Variants in UBE2F observed in about 807,000 individuals in gnomAD.
UBE2F encodes the protein ubiquitin conjugating enzyme E2 F (putative), also known as NEDD8-conjugating enzyme UBE2F.
UBE2F carries 5 observed loss-of-function variants against 29.6 expected under a neutral mutation model. The ratio of observed to expected loss-of-function variants is 0.17; its 90% confidence interval spans 0.09 to 0.36. The LOEUF (loss-of-function observed/expected upper bound fraction) is 0.36, where lower values mean the gene tolerates loss of function less well. Among genes scored for constraint, UBE2F ranks in the 10% least tolerant of loss-of-function variants. The pLI, the probability that UBE2F is intolerant of heterozygous loss-of-function variation, is 1.00. For missense variants in UBE2F, 141 were observed against 228.5 expected (o/e 0.62, Z 2.47); for synonymous variants, 66 against 81.8 (o/e 0.81, Z 1.04).
intron 4 of UBE2F, among the ~76,000 whole-genome samples, chr2:237,995,988 CAG>C (rs1468285385): frequency 6.6e-6 from 1 of 152,114 alleles, no homozygotes; most frequent in Admixed American, 6.6e-5. Flanking sequence ...CATTAGAAAG[CAG>C]AGTGTTCCAC....
chr2:238,019,902 C>T (rs978837484), intron 5 of UBE2F, among the ~76,000 whole-genome samples: 13 of 152,046 alleles, frequency 8.6e-5, no homozygotes, highest in Admixed American at 7.2e-4. Context: ...TCAGGTGATC[C>T]GCTGCCTTGG....
At chr2:237,971,018 T>A (rs576702899) in intron 1 of UBE2F, among the ~76,000 whole-genome samples, 35 of 152,242 alleles carry the variant, frequency 2.3e-4, no homozygotes, top group African/African-American at 8.2e-4. Context: ...TGGCCTGTAC[T>A]GTTTTCATGG....
chr2:237,984,133 C>T (rs2063432772), intron 2 of UBE2F, among the ~76,000 whole-genome samples: 1 of 151,754 alleles, frequency 6.6e-6, no homozygotes, highest in Admixed American at 6.6e-5. Context: ...CTCCCGCATC[C>T]CAGCACATCA....
At chr2:237,976,175 T>C (rs2063279211) in intron 2 of UBE2F, among the ~76,000 whole-genome samples, 1 of 152,234 alleles carries the variant, frequency 6.6e-6, no homozygotes, top group Admixed American at 6.5e-5. Context: ...CTGATAGGAC[T>C]TGAGTGTCTT....
chr2:238,028,682 T>G (rs2064492704), intron 6 of UBE2F, among the ~76,000 whole-genome samples: 1 of 152,198 alleles, frequency 6.6e-6, no homozygotes, highest in Non-Finnish European at 1.5e-5. Context: ...AGTTATCTGT[T>G]TTTTTTAACT....
chr2:237,980,289 G>T (rs1351067805), intron 2 of UBE2F, among the ~76,000 whole-genome samples: 2 of 152,182 alleles, frequency 1.3e-5, no homozygotes, highest in Non-Finnish European at 2.9e-5. Context: ...TTGGGCTGCT[G>T]TAACAAAGGA....
intron 9 of UBE2F, among the ~76,000 whole-genome samples, chr2:238,038,806 T>C (rs2106417923): frequency 6.6e-6 from 1 of 152,346 alleles, no homozygotes; most frequent in South Asian, 2.1e-4. Flanking sequence ...CATCCTTATG[T>C]CCACTCGTTC....
intron 5 of UBE2F, among the ~76,000 whole-genome samples, chr2:238,017,553 G>A (rs1306125804): frequency 2.0e-5 from 3 of 152,166 alleles, no homozygotes; most frequent in Non-Finnish European, 4.4e-5. Context: ...CCACTGGAGA[G>A]TCTGAATAAT....
intron 2 of UBE2F, among the ~76,000 whole-genome samples, chr2:237,980,348 G>T (rs1329670611): frequency 1.3e-5 from 2 of 152,246 alleles, no homozygotes; most frequent in African/African-American, 4.8e-5. Flanking sequence ...CCTTCTGGAG[G>T]CTGGAAGGCC....
At chr2:238,016,544 T>A in intron 4 of UBE2F, 22 bp from the exon 5 acceptor site, 1 of 1,598,204 alleles carries the variant, frequency 6.3e-7, no homozygotes, top group Non-Finnish European at 8.5e-7. Context: ...ATTTTTTTGT[T>A]TTGTTTTGTG....
intron 4 of UBE2F, among the ~76,000 whole-genome samples, chr2:238,004,942 G>A (rs756214026): frequency 1.6e-4 from 24 of 152,272 alleles, no homozygotes; most frequent in Admixed American, 5.9e-4. Flanking sequence ...GCTTCTGACC[G>A]CTGATAGTGC....
At position 237,988,649 on chromosome 2, in the gene UBE2F, C is replaced by T. The variant is rs944337097; in HGVS notation, c.148+657C>T. ...AAAAAAAAAAAGAGCAAGGTTCTGCCACCTTTCTGAGTGCTATCTCTCCTT... is the reference window on the plus strand; with the variant it reads ...AAAAAAAAAAAGAGCAAGGTTCTGCTACCTTTCTGAGTGCTATCTCTCCTT... On this transcript the variant is annotated intron_variant, in intron 3 of 9. Transcript: ENST00000272930. Among the ~76,000 whole-genome samples the T allele has an allele frequency of 2.0e-5, 3 of 151,866 alleles. No homozygotes were observed. In the East Asian group the frequency reaches 5.8e-4, roughly 29 times the overall value.
At chr2:237,986,687 A>C (rs2063488262) in intron 2 of UBE2F, among the ~76,000 whole-genome samples, 5 of 152,128 alleles carry the variant, frequency 3.3e-5, no homozygotes, top group Admixed American at 3.3e-4. Flanking sequence ...TTGATTTTTC[A>C]TGTATGGTAT....
In UBE2F at chr2:237,982,204, A is replaced by T. The variant is rs113999649; in HGVS notation, c.119-5759A>T. On this transcript the variant is annotated intron_variant, in intron 2 of 9. Transcript: ENST00000272930. The surrounding 1 kb of genome is among the most constrained non-coding windows in gnomAD (Gnocchi z 4.1). ...CAGGGCTTCCATTCCTTTCTTTATC[A>T]GGTGTTGTCTGGCATCTTCCTGGCT... 0.012 allele frequency among the ~76,000 whole-genome samples: 1,762 copies of T among 152,222 alleles called. 14 individuals are homozygous for T. Among genetic ancestry groups the T allele is most frequent in the Non-Finnish European group, 0.019 (1,293 of 68,002 alleles).
chr2:238,011,507 T>G (rs1391640724), intron 4 of UBE2F, among the ~76,000 whole-genome samples: 1 of 152,254 alleles, frequency 6.6e-6, no homozygotes, highest in African/African-American at 2.4e-5. Flanking sequence ...TATCTCTTGT[T>G]GATGTGTCAC....
intron 4 of UBE2F, among the ~76,000 whole-genome samples, chr2:237,998,631 A>T (rs1020461320): frequency 1.3e-5 from 2 of 149,810 alleles, no homozygotes; most frequent in Admixed American, 6.6e-5. Context: ...TTTTTTTTAC[A>T]AGCTTTTCGT....
chr2:238,007,972 T>A (rs943139634), intron 4 of UBE2F, among the ~76,000 whole-genome samples: 1 of 152,158 alleles, frequency 6.6e-6, no homozygotes, highest in South Asian at 2.1e-4. Context: ...GATTTTTTTT[T>A]AGACAAGGTC....
At chr2:238,010,688 C>T (rs1407763137) in intron 4 of UBE2F, among the ~76,000 whole-genome samples, 1 of 152,152 alleles carries the variant, frequency 6.6e-6, no homozygotes, top group Non-Finnish European at 1.5e-5. Flanking sequence ...AGTCAGTTCC[C>T]TGGTGTCCTG....
intron 2 of UBE2F, among the ~76,000 whole-genome samples, chr2:237,977,866 T>A (rs1562367): frequency 0.86 from 130,668 of 152,142 alleles, 56,268 homozygotes; most frequent in East Asian, 0.97. Context: ...GTGGTAGAAA[T>A]TTGTATCAAT....
Sources: gnomAD v4.1 joint callset for allele counts (sites outside exome capture counted in the v4.1 genomes callset) on GRCh38, gnomAD v4.1.1 for gene constraint, Gnocchi (gnomAD v3.1) non-coding constraint, MANE v1.5 for transcripts, NCBI Gene and HGNC (gene_info 2026-07-23, HGNC 2026-07-21) for gene names.